PDXDC1: variants seen among roughly 807,000 people sequenced by gnomAD.
PDXDC1 encodes the protein pyridoxal-dependent decarboxylase domain-containing protein 1.
Under a neutral mutation model 100.1 loss-of-function variants are expected in PDXDC1, and 42 were observed. The observed-to-expected ratio is 0.42, with a 90% CI of 0.33 to 0.54. The LOEUF (loss-of-function observed/expected upper bound fraction) is 0.54. PDXDC1 is among the 20% of genes least tolerant of loss of function. The pLI is 0.10. For missense variants in PDXDC1, 636 were observed against 979.2 expected (o/e 0.65, Z 4.68); for synonymous variants, 260 against 371.7 (o/e 0.70, Z 3.46).
At chr16:15,069,532 C>T (rs2045132088) in intron 16 of PDXDC1, among the ~76,000 whole-genome samples, 1 of 152,160 alleles carries the variant, frequency 6.6e-6, no homozygotes. Flanking sequence ...CAAAACAATA[C>T]TGGTCAATTA....
At position 15,033,014 on chromosome 16, in the gene PDXDC1, T is replaced by G. The variant is rs1046446471; in HGVS notation, c.1690+35T>G. On this transcript the variant is annotated intron_variant, in intron 18 of 22. Transcript: ENST00000396410. ...TACTTTGTAAGTCAGCTGTGGGGTT[T>G]GGAAGGACACTTGGTAACCGGCTTT... 3.1e-6 allele frequency: 4 copies of G among 1,290,160 alleles called. No homozygotes were observed. In the African/African-American group the frequency reaches 4.4e-5, roughly 14 times the overall value. 79.9% of individuals were successfully genotyped at this position (1,290,160 alleles called of 1,614,324 possible). A position where few individuals can be genotyped will look rare whatever the true frequency, so the allele number is the denominator to read the frequency against.
rs1314343276 is a variant in PDXDC1 at position 15,053,973 on chromosome 16, T to A, written c.1399+23917T>A. ...CCAACCTTTAATGTCTCCCTGTTGC[T>A]AAGTAGGTGAAAGGTCCATCTAAGC... is the stretch of plus-strand genomic sequence containing the variant. On this transcript the variant is annotated intron_variant, in intron 16 of 16. Transcript: ENST00000535621. Among the ~76,000 whole-genome samples, 7 of 152,298 alleles carry A rather than the reference T, an allele frequency of 4.6e-5. No individual in the cohort carries two copies. The South Asian group carries it at 1.5e-3, about 32-fold the overall frequency.
At position 15,123,350 on chromosome 16, in the gene PDXDC1, C is replaced by T. The variant is rs2047533039; in HGVS notation, c.1400-15529C>T. 13 of 1,166,480 alleles carry T rather than the reference C, an allele frequency of 1.1e-5. No individual in the cohort carries two copies. The Admixed American group carries it at 2.6e-4, about 23-fold the overall frequency. 72.3% of individuals were successfully genotyped at this position (1,166,480 alleles called of 1,614,324 possible). ...CCTGCTTCTGGGCGCTCCTTCCTTC[C>T]TGAGCTCCCAGGGTTCCTCAAGGTC... On this transcript the variant is annotated intron_variant, in intron 16 of 16. Coordinates refer to the PDXDC1 transcript ENST00000535621.
downstream of PDXDC1, among the ~76,000 whole-genome samples, chr16:15,043,305 G>C (rs1246332811): frequency 6.6e-6 from 1 of 152,178 alleles, no homozygotes; most frequent in Admixed American, 6.5e-5. Flanking sequence ...CAAAGTGCTG[G>C]GATTACAGGC....
At position 15,086,373 on chromosome 16, in the gene PDXDC1, T is replaced by C. The variant is rs766711179; in HGVS notation, c.1400-52506T>C. 3.7e-6 allele frequency: 6 copies of C among 1,613,664 alleles called. No homozygotes were observed. Among genetic ancestry groups the C allele is most frequent in the Non-Finnish European group, 5.1e-6 (6 of 1,179,774 alleles). ...ATAAATGGTGAACTTACTAATATAA[T>C]ACTGATAAGTTGCTCAAAGTCTTTT... On this transcript the variant is annotated intron_variant, in intron 16 of 16. Transcript: ENST00000535621.
At chr16:15,134,076 T>C (rs1472619959) in intron 16 of PDXDC1, 3 of 1,572,244 alleles carry the variant, frequency 1.9e-6, no homozygotes, top group East Asian at 2.3e-5. Flanking sequence ...AGCCCACCGC[T>C]GCAGGCAGAA....
At chr16:15,016,936 G>A (rs142078345) in intron 9 of PDXDC1, among the ~76,000 whole-genome samples, 184 bp from the exon 10 acceptor site, 8,293 of 150,350 alleles carry the variant, frequency 0.055, 69 homozygotes, top group Admixed American at 0.098. Flanking sequence ...TTTTATTAAA[G>A]TGCATTTTCA....
the PDXDC1 span, among the ~76,000 whole-genome samples, chr16:15,146,556 C>A: frequency 6.6e-6 from 1 of 152,210 alleles, no homozygotes; most frequent in Admixed American, 6.5e-5. Context: ...AGGAGTAGGC[C>A]GGGTCTTGTG....
intron 16 of PDXDC1, chr16:15,127,459 C>A: frequency 1.9e-6 from 3 of 1,555,894 alleles, no homozygotes; most frequent in Non-Finnish European, 2.6e-6. Context: ...CGGTCCCCAG[C>A]CCCAGCCCAC....
At chr16:15,132,446 G>C (rs1348158608) in intron 16 of PDXDC1, among the ~76,000 whole-genome samples, 1 of 141,698 alleles carries the variant, frequency 7.1e-6, no homozygotes, top group Non-Finnish European at 1.6e-5. Context: ...GAGGGGAGGG[G>C]AGAGTGGAAG....
the PDXDC1 span, among the ~76,000 whole-genome samples, chr16:15,144,510 T>A: frequency 3.3e-5 from 5 of 151,964 alleles, no homozygotes; most frequent in Non-Finnish European, 1.5e-5. Context: ...TTGCAGCCTC[T>A]GATAGAGGAC....
intron 16 of PDXDC1, among the ~76,000 whole-genome samples, chr16:15,059,024 G>A (rs573338638): frequency 6.6e-6 from 1 of 152,314 alleles, no homozygotes; most frequent in African/African-American, 2.4e-5. Context: ...ACATGGTGGA[G>A]CTTTGGATGT....
At chr16:15,077,704 G>A (rs2045521888) in intron 16 of PDXDC1, among the ~76,000 whole-genome samples, 1 of 152,212 alleles carries the variant, frequency 6.6e-6, no homozygotes, top group Non-Finnish European at 1.5e-5. Flanking sequence ...AGCCGGGCAT[G>A]GTGGCATGTG....
At chr16:15,094,454 G>A in intron 16 of PDXDC1, 1 of 584,600 alleles carries the variant, frequency 1.7e-6, no homozygotes, top group East Asian at 2.9e-5. Context: ...GTGAGTATAA[G>A]GAGAGACGGG....
At chr16:14,983,521 C>G (rs11864307) in intron 1 of PDXDC1, among the ~76,000 whole-genome samples, 1 of 147,128 alleles carries the variant, frequency 6.8e-6, no homozygotes, top group African/African-American at 2.5e-5. Flanking sequence ...TGCAGTGAGC[C>G]GAGATCATGC....
chr16:15,063,150 C>G, intron 16 of PDXDC1: 1 of 1,355,600 alleles, frequency 7.4e-7, no homozygotes, highest in Non-Finnish European at 1.1e-6. Flanking sequence ...TGACCTGGAA[C>G]CAGAAAGGAG....
At chr16:14,994,314 G>A (rs1430059200) in intron 1 of PDXDC1, among the ~76,000 whole-genome samples, 1 of 152,284 alleles carries the variant, frequency 6.6e-6, no homozygotes. Context: ...ATTAATTTTT[G>A]TATAAGATGT....
At chr16:14,984,928 G>A (rs1968983143) in intron 1 of PDXDC1, among the ~76,000 whole-genome samples, 1 of 152,226 alleles carries the variant, frequency 6.6e-6, no homozygotes, top group Admixed American at 6.5e-5. Context: ...AGGCTGGAGT[G>A]CAGTGGTGCA....
At chr16:15,127,891 G>T in intron 16 of PDXDC1, 3 of 1,535,232 alleles carry the variant, frequency 2.0e-6, no homozygotes, top group Non-Finnish European at 2.7e-6. Context: ...CAACAGGGCT[G>T]CGTGACCTAG....
Sources: gnomAD v4.1 joint callset for allele counts (sites outside exome capture counted in the v4.1 genomes callset) on GRCh38, gnomAD v4.1.1 for gene constraint, MANE v1.5 for transcripts, NCBI Gene and HGNC (gene_info 2026-07-23, HGNC 2026-07-21) for gene names.